The following COL21A1 variants were observed in gnomAD, a reference collection of about 807,000 sequenced individuals.
The protein encoded by COL21A1 is collagen type XXI alpha 1 chain, also known as collagen alpha-1(XXI) chain.
Under a neutral mutation model 137.9 loss-of-function variants are expected in COL21A1, and 149 were observed. That is an observed-to-expected ratio of 1.08 (90% CI 0.95 to 1.24). The LOEUF is 1.24. Ranked by LOEUF, COL21A1 falls within the 50% of genes most tolerant of loss-of-function variation. COL21A1 has a pLI of 0.00. For missense variants in COL21A1, 1,167 were observed against 1,158.4 expected (o/e 1.01, Z -0.11); for synonymous variants, 456 against 391.5 (o/e 1.16, Z -1.95).
At chr6:56,172,338 A>G (rs1270174240) in intron 3 of COL21A1, among the ~76,000 whole-genome samples, 1 of 152,182 alleles carries the variant, frequency 6.6e-6, no homozygotes, top group Admixed American at 6.5e-5. Context: ...AGATTTCTCA[A>G]TAGCACCATT....
intron 1 of COL21A1, among the ~76,000 whole-genome samples, chr6:56,359,124 T>C (rs1765906095): frequency 2.0e-5 from 3 of 152,234 alleles, no homozygotes; most frequent in African/African-American, 7.2e-5. Flanking sequence ...TATCATAAAA[T>C]ACATCAGATC....
At chr6:56,098,606 AATATATATAAATATATATAAAT>A (rs1562193532) in intron 17 of COL21A1, among the ~76,000 whole-genome samples, 5 of 3,060 alleles carry the variant, frequency 1.6e-3, no homozygotes, top group East Asian at 0.015. Flanking sequence ...TATATATATA[AATATATATAAATATATATAAAT>A]ATATATATAA....
intron 9 of COL21A1, among the ~76,000 whole-genome samples, chr6:56,159,875 T>TA (rs1030211808): frequency 6.6e-6 from 1 of 152,086 alleles, no homozygotes; most frequent in East Asian, 1.9e-4. Flanking sequence ...CATACAATTA[T>TA]AAAAAAGATA....
chr6:56,102,689 A>G (rs575615171), intron 16 of COL21A1, among the ~76,000 whole-genome samples: 1 of 152,294 alleles, frequency 6.6e-6, no homozygotes, highest in East Asian at 1.9e-4. Context: ...TGGCAAACAT[A>G]ATCAGTACTT....
At chr6:56,137,686 T>G (rs1048778555) in intron 12 of COL21A1, among the ~76,000 whole-genome samples, 9 of 152,030 alleles carry the variant, frequency 5.9e-5, no homozygotes, top group Admixed American at 5.9e-4. Flanking sequence ...ATATAAAGCA[T>G]TCTAAAAAAT....
Position 56,057,135 on chromosome 6 carries a change from C to A in COL21A1, c.*522G>T. 6.2e-6 allele frequency: 1 copy of A among 160,740 alleles called. No homozygotes were observed. The highest frequency in any genetic ancestry group is 1.3e-5 in the Non-Finnish European group (1 of 74,520). 10.0% of individuals were successfully genotyped at this position (160,740 alleles called of 1,614,324 possible). A position where few individuals can be genotyped will look rare whatever the true frequency, so the allele number is the denominator to read the frequency against. On this transcript the variant is annotated 3_prime_UTR_variant, in exon 30 of 30. Transcript: ENST00000244728. ...ACACCGAACAACAGGCAATCCACTG[C>A]CCCTTATCAAGGCTGAGACACTGTA...
chr6:56,144,634 G>A (rs149059412), intron 10 of COL21A1, among the ~76,000 whole-genome samples: 51 of 152,094 alleles, frequency 3.4e-4, no homozygotes, highest in African/African-American at 1.2e-3. Context: ...TCTCCTCTTC[G>A]AAGAAGTTGA....
chr6:56,147,867 G>A (rs1013526789), intron 10 of COL21A1, among the ~76,000 whole-genome samples: 7 of 152,224 alleles, frequency 4.6e-5, no homozygotes, highest in Admixed American at 4.6e-4. Context: ...AAGATACTCC[G>A]CAAGCCTGAG....
At chr6:56,255,784 T>G (rs894008419) in intron 1 of COL21A1, among the ~76,000 whole-genome samples, 6 of 152,160 alleles carry the variant, frequency 3.9e-5, no homozygotes, top group African/African-American at 1.4e-4. Context: ...TGATAAGCCT[T>G]TGGGGGCTGA....
intron 1 of COL21A1, among the ~76,000 whole-genome samples, chr6:56,296,011 G>A (rs1196004200): frequency 6.6e-6 from 1 of 151,882 alleles, no homozygotes; most frequent in South Asian, 2.1e-4. Flanking sequence ...CCTTATTCCT[G>A]ATCTTAGTGA....
intron 10 of COL21A1, among the ~76,000 whole-genome samples, chr6:56,147,516 TATCACCAACCGAGAACTC>T: frequency 1.3e-5 from 2 of 152,028 alleles, no homozygotes; most frequent in African/African-American, 4.8e-5. Context: ...TTCAACCAGT[TATCACCAACCGAGAACTC>T]TAATAGTAGA....
intron 1 of COL21A1, among the ~76,000 whole-genome samples, chr6:56,309,285 G>A (rs111398079): frequency 0.06 from 9,134 of 152,080 alleles, 361 homozygotes; most frequent in Middle Eastern, 0.12. Context: ...TGATCTGCCC[G>A]CCTCGGCCTC....
chr6:56,328,711 A>T (rs985353568), intron 1 of COL21A1, among the ~76,000 whole-genome samples: 6 of 152,134 alleles, frequency 3.9e-5, no homozygotes, highest in Non-Finnish European at 7.4e-5. Flanking sequence ...GTTACTTTGT[A>T]AGTACTGAAC....
intron 1 of COL21A1, among the ~76,000 whole-genome samples, chr6:56,253,499 G>A (rs1371113915): frequency 6.6e-6 from 1 of 152,138 alleles, no homozygotes; most frequent in East Asian, 1.9e-4. Flanking sequence ...TGAGAATGAA[G>A]CCAACACAGA....
chr6:56,319,915 T>A (rs1764826610), intron 1 of COL21A1, among the ~76,000 whole-genome samples: 1 of 152,102 alleles, frequency 6.6e-6, no homozygotes, highest in South Asian at 2.1e-4. Context: ...TGTGGCCTCA[T>A]ACAGATCAAT....
intron 1 of COL21A1, among the ~76,000 whole-genome samples, chr6:56,388,802 T>C (rs769512061): frequency 6.6e-6 from 1 of 152,220 alleles, no homozygotes; most frequent in Non-Finnish European, 1.5e-5. Context: ...AAGGCACTAG[T>C]GACCAATCTC....
chr6:56,099,281 T>A (rs1428932246), intron 17 of COL21A1, among the ~76,000 whole-genome samples: 1 of 145,510 alleles, frequency 6.9e-6, no homozygotes, highest in Non-Finnish European at 1.5e-5. Context: ...TCGCCCAGGC[T>A]GGAGTGCAGT....
At chr6:56,294,699 A>G (rs186351538) in intron 1 of COL21A1, among the ~76,000 whole-genome samples, 322 of 152,150 alleles carry the variant, frequency 2.1e-3, no homozygotes, top group African/African-American at 6.5e-3. Flanking sequence ...ACAGTTCTCT[A>G]AATGACAAAT....
At chr6:56,254,950 A>G (rs1025168063) in intron 1 of COL21A1, among the ~76,000 whole-genome samples, 1 of 152,186 alleles carries the variant, frequency 6.6e-6, no homozygotes, top group African/African-American at 2.4e-5. Context: ...TGTCATGATA[A>G]GCCATTTATG....
Sources: gnomAD v4.1 joint callset for allele counts (sites outside exome capture counted in the v4.1 genomes callset) on GRCh38, gnomAD v4.1.1 for gene constraint, MANE v1.5 for transcripts, NCBI Gene and HGNC (gene_info 2026-07-23, HGNC 2026-07-21) for gene names.